The following SMARCA2 variants were observed in gnomAD, a reference collection of about 807,000 sequenced individuals.
The protein encoded by SMARCA2 is SWI/SNF-related matrix-associated actin-dependent regulator of chromatin subfamily A member 2.
In SMARCA2, 61 loss-of-function variants were observed where a neutral mutation model predicts 199.8. That is an observed-to-expected ratio of 0.31 (90% CI 0.25 to 0.38). The LOEUF (loss-of-function observed/expected upper bound fraction) is 0.38. Among genes scored for constraint, SMARCA2 ranks in the 10% least tolerant of loss-of-function variants. The pLI is 1.00. For missense variants in SMARCA2, 1,344 were observed against 2,012.2 expected (o/e 0.67, Z 6.35); for synonymous variants, 935 against 732.0 (o/e 1.28, Z -4.48).
chr9:2,161,066 AGT>A lies in SMARCA2; in HGVS notation c.3982-611_3982-610del, dbSNP rs377205735. The A allele has an allele frequency of 2.3e-4, 37 of 159,062 alleles. No individual in the cohort carries two copies. In the East Asian group the frequency reaches 6.8e-3, roughly 29 times the overall value. 9.9% of individuals were successfully genotyped at this position (159,062 alleles called of 1,614,324 possible). ...TGGAAAAAAGTGTTTATTGTTTGTG[AGT>A]GTGTGTGTTCTTTATCGAATGATTT... is the stretch of plus-strand genomic sequence containing the variant. On this transcript the variant is annotated intron_variant, in intron 27 of 33. Coordinates refer to ENST00000349721, the MANE Select transcript of SMARCA2 (RefSeq NM_003070.5). This position sits in a 1 kb window ranked among gnomAD's most constrained non-coding sequence, Gnocchi z 4.7.
Position 2,104,267 on chromosome 9 carries a change from T to G in SMARCA2, c.3292+98T>G. ...TCTCAGCCAAAAAGAAGGGGTAAAA[T>G]TGAAGAATTGACTAGAAGCATTGGG... On this transcript the variant is annotated intron_variant, in intron 23 of 33. Coordinates refer to ENST00000349721, the MANE Select transcript of SMARCA2 (RefSeq NM_003070.5). This position sits in a 1 kb window ranked among gnomAD's most constrained non-coding sequence, Gnocchi z 4.0. 1 of 1,120,558 alleles carries G rather than the reference T, an allele frequency of 8.9e-7. No individual in the cohort carries two copies. The highest frequency in any genetic ancestry group is 1.3e-6 in the Non-Finnish European group (1 of 780,798). The allele number at this position is 1,120,558 out of a possible 1,614,324, so 69.4% of individuals were successfully genotyped here.
chr9:2,180,539 TTTATGATTAATTTTTGATATTTCTGGC>T (rs1826951643), intron 29 of SMARCA2, among the ~76,000 whole-genome samples: 1 of 152,220 alleles, frequency 6.6e-6, no homozygotes, highest in Non-Finnish European at 1.5e-5. Context: ...ATGGCAGTGA[TTTATGATTAATTTTTGATATTTCTGGC>T]TTCACAAAGG....
chr9:2,189,451 G>A (rs927187709), intron 32 of SMARCA2, among the ~76,000 whole-genome samples: 6 of 151,934 alleles, frequency 3.9e-5, no homozygotes, highest in African/African-American at 1.5e-4. Flanking sequence ...CCTGTCTTCT[G>A]CCCATTCATT....
At chr9:2,022,296 C>T (rs1818639929) in intron 1 of SMARCA2, among the ~76,000 whole-genome samples, 1 of 152,164 alleles carries the variant, frequency 6.6e-6, no homozygotes, top group African/African-American at 2.4e-5. Flanking sequence ...TATAGTAGCT[C>T]ACAAGGTGTC....
Position 2,119,573 on chromosome 9 carries a change from AC to A in SMARCA2, c.3762+40del. Reference sequence around the variant, plus strand: ...AAAATCATGAACACAAATGCTTTATACCTCTGCCCCTTTTTCTGTTAAGCAG... The same window carrying A: ...AAAATCATGAACACAAATGCTTTATACTCTGCCCCTTTTTCTGTTAAGCAG... On this transcript the variant is annotated intron_variant, in intron 26 of 33. Coordinates refer to ENST00000349721, the MANE Select transcript of SMARCA2 (RefSeq NM_003070.5). This position sits in a 1 kb window ranked among gnomAD's most constrained non-coding sequence, Gnocchi z 4.6. The A allele has an allele frequency of 7.3e-7, 1 of 1,366,976 alleles. No homozygotes were observed. The highest frequency in any genetic ancestry group is 1.0e-6 in the Non-Finnish European group (1 of 956,618). The allele number at this position is 1,366,976 out of a possible 1,614,324, so 84.7% of individuals were successfully genotyped here.
intron 29 of SMARCA2, among the ~76,000 whole-genome samples, chr9:2,176,836 G>A (rs1293280014): frequency 1.3e-5 from 2 of 152,144 alleles, no homozygotes; most frequent in Non-Finnish European, 2.9e-5. Context: ...GGGATTGCAG[G>A]TGTGAGCCAC....
chr9:2,156,686 C>G (rs748263161), intron 27 of SMARCA2, among the ~76,000 whole-genome samples: 1 of 152,140 alleles, frequency 6.6e-6, no homozygotes. Context: ...CTGCTTTGGC[C>G]TCCCAAAGTG....
At chr9:2,148,675 A>AT in intron 27 of SMARCA2, among the ~76,000 whole-genome samples, 1 of 151,186 alleles carries the variant, frequency 6.6e-6, no homozygotes, top group East Asian at 1.9e-4. Context: ...CACCCAACTA[A>AT]TTTTTTTATT....
chr9:2,037,535 T>C (rs1819387660), intron 3 of SMARCA2, among the ~76,000 whole-genome samples: 1 of 152,214 alleles, frequency 6.6e-6, no homozygotes, highest in South Asian at 2.1e-4. Context: ...CAATTGGAGA[T>C]AAAAGTAACT....
At chr9:2,097,533 A>T in intron 21 of SMARCA2, 62 bp downstream of exon 21, 1 of 1,031,522 alleles carries the variant, frequency 9.7e-7, no homozygotes, top group Middle Eastern at 2.1e-4. Flanking sequence ...TAGTTAAAAA[A>T]AAACAAACAA....
chr9:2,115,013 TTAAC>T lies in SMARCA2; in HGVS notation c.3457-805_3457-802del, dbSNP rs1227252716. Among the ~76,000 whole-genome samples the T allele has an allele frequency of 6.6e-6, 1 of 152,208 alleles. No individual in the cohort carries two copies. Among genetic ancestry groups the T allele is most frequent in the African/African-American group, 2.4e-5 (1 of 41,448 alleles). ...CATATAGTAGGATACTATAATTCAT[TTAAC>T]TAATTCAGTATTGTTGAATGTTTCT... On this transcript the variant is annotated intron_variant, in intron 24 of 33. Transcript: ENST00000349721. This position sits in a 1 kb window ranked among gnomAD's most constrained non-coding sequence, Gnocchi z 6.0.
At chr9:2,097,168 G>A (rs1244719122) in intron 20 of SMARCA2, 3 of 513,492 alleles carry the variant, frequency 5.8e-6, no homozygotes, top group African/African-American at 5.8e-5. Flanking sequence ...ATCCTTCAAG[G>A]TTCACTTTTT....
At chr9:2,178,652 C>T (rs1219478239) in intron 29 of SMARCA2, among the ~76,000 whole-genome samples, 1 of 152,070 alleles carries the variant, frequency 6.6e-6, no homozygotes, top group African/African-American at 2.4e-5. Flanking sequence ...TCGCTCAGCT[C>T]AAATTAGAGA....
chr9:2,174,254 A>G (rs1256022337), intron 29 of SMARCA2, among the ~76,000 whole-genome samples: 2 of 152,196 alleles, frequency 1.3e-5, no homozygotes, highest in Non-Finnish European at 2.9e-5. Flanking sequence ...TGGAAATAAC[A>G]AAATGGATTT....
At position 2,029,149 on chromosome 9, in the gene SMARCA2, A is replaced by T; in HGVS notation, c.127A>T (p.Met43Leu). ...PGPSPGSVHS[M>L]MGPSPGPPSV... Reference sequence around the variant, plus strand: ...ACCATCCCCAGGTTCCGTCCACAGCATGATGGGGCCAAGTCCTGGACCTCC... The same window carrying T: ...ACCATCCCCAGGTTCCGTCCACAGCTTGATGGGGCCAAGTCCTGGACCTCC... The change falls in exon 2 of 34, where the codon ATG becomes TTG. Residue 43 changes from methionine to leucine, a missense_variant. This residue lies in a region of SMARCA2 where 275 missense variants were observed against 247.5 expected (regional missense o/e 1.11). Coordinates refer to ENST00000349721, the MANE Select transcript of SMARCA2 (RefSeq NM_003070.5). The T allele has an allele frequency of 6.2e-7, 1 of 1,612,902 alleles. No homozygotes were observed. The highest frequency in any genetic ancestry group is 8.5e-7 in the Non-Finnish European group (1 of 1,179,508).
Position 2,017,430 on chromosome 9 carries a change from G to C in SMARCA2, c.-37+2026G>C, listed in dbSNP as rs1818404559. ...GTGTGTTGTGCGCGCAGGAGCCAGT[G>C]CGTCGGGAGCAGCGGCTCGGGCAGC... On this transcript the variant is annotated intron_variant, in intron 1 of 33. Coordinates refer to ENST00000349721, the MANE Select transcript of SMARCA2 (RefSeq NM_003070.5). This position sits in a 1 kb window ranked among gnomAD's most constrained non-coding sequence, Gnocchi z 8.8. 1 of 152,346 alleles carries C rather than the reference G, an allele frequency of 6.6e-6. No homozygotes were observed. Among genetic ancestry groups the C allele is most frequent in the Non-Finnish European group, 1.5e-5 (1 of 68,156 alleles). 9.4% of individuals were successfully genotyped at this position (152,346 alleles called of 1,614,324 possible). A position where few individuals can be genotyped will look rare whatever the true frequency, so the allele number is the denominator to read the frequency against.
At chr9:2,094,612 TAA>T (rs902118677) in intron 19 of SMARCA2, among the ~76,000 whole-genome samples, 4 of 152,214 alleles carry the variant, frequency 2.6e-5, no homozygotes, top group Non-Finnish European at 2.9e-5. Flanking sequence ...ACGTGGAGCT[TAA>T]AAGAGTGGAT....
Position 2,123,661 on chromosome 9 carries a change from G to T in SMARCA2, c.3763-58G>T, listed in dbSNP as rs79769400. The T allele has an allele frequency of 6.2e-6, 9 of 1,449,116 alleles. No homozygotes were observed. The highest frequency in any genetic ancestry group is 1.7e-4 in the Middle Eastern group (1 of 5,794). 89.8% of individuals were successfully genotyped at this position (1,449,116 alleles called of 1,614,324 possible). ...ACTTGGGGAAGTTGTGTAGTGCTGGGAAGTCTGCACCATACAGAAGCCCTG... is the reference window on the plus strand; with the variant it reads ...ACTTGGGGAAGTTGTGTAGTGCTGGTAAGTCTGCACCATACAGAAGCCCTG... On this transcript the variant is annotated intron_variant, in intron 26 of 33. Transcript: ENST00000349721. The surrounding 1 kb of genome is among the most constrained non-coding windows in gnomAD (Gnocchi z 4.1).
rs774085434 is a variant in SMARCA2, at chr9:2,029,135, G to T, written c.113G>T (p.Gly38Val). 4 of 1,611,772 alleles carry T rather than the reference G, an allele frequency of 2.5e-6. No homozygotes were observed. Among genetic ancestry groups the T allele is most frequent in the South Asian group, 2.2e-5 (2 of 90,394 alleles). ...AGTCCAGGACCAGGACCATCCCCAG[G>T]TTCCGTCCACAGCATGATGGGGCCA... The part of the protein sequence containing the change: ...GPSPGPGPSP[G>V]SVHSMMGPSP... Residue 38 changes from glycine to valine, a missense_variant, in exon 2 of 34, where the codon GGT (glycine) becomes GTT (valine). Physicochemically the swap from Gly to Val is moderately radical, Grantham distance 109. Coordinates refer to ENST00000349721, the MANE Select transcript of SMARCA2 (RefSeq NM_003070.5).
Sources: gnomAD v4.1 joint callset for allele counts (sites outside exome capture counted in the v4.1 genomes callset) on GRCh38, gnomAD v4.1.1 for gene constraint, gnomAD v4.1.1 regional missense constraint, Gnocchi (gnomAD v3.1) non-coding constraint, MANE v1.5 for transcripts, NCBI Gene and HGNC (gene_info 2026-07-23, HGNC 2026-07-21) for gene names.